Variants in LNX1 observed in about 807,000 individuals in gnomAD.
LNX1 encodes the protein E3 ubiquitin-protein ligase LNX.
Under a neutral mutation model 68.4 loss-of-function variants are expected in LNX1, and 54 were observed. The ratio of observed to expected loss-of-function variants is 0.79; its 90% CI spans 0.63 to 0.99. The LOEUF (loss-of-function observed/expected upper bound fraction) is 0.99, where lower values mean the gene tolerates loss of function less well. Ranked by LOEUF, LNX1 falls within the 50% of genes least tolerant of loss-of-function variation. The pLI, the probability that LNX1 is intolerant of heterozygous loss-of-function variation, is 0.00. For synonymous variants in LNX1, 336 were observed against 350.0 expected, an observed-to-expected ratio of 0.96 and a Z score of 0.45; for missense variants, 906 against 926.4, an observed-to-expected ratio of 0.98 and a Z score of 0.29.
chr4:53,647,272 G>A (rs533750286), intron 1 of LNX1, among the ~76,000 whole-genome samples: 1 of 152,202 alleles, frequency 6.6e-6, no homozygotes, highest in African/African-American at 2.4e-5. Context: ...TTTTAGTAAT[G>A]TGCATACACA....
chr4:53,526,795 A>T (rs1230341337), intron 2 of LNX1, among the ~76,000 whole-genome samples: 1 of 151,908 alleles, frequency 6.6e-6, no homozygotes, highest in African/African-American at 2.4e-5. Flanking sequence ...ATCAGTTGTG[A>T]ATTCCTTCGA....
intron 2 of LNX1, among the ~76,000 whole-genome samples, chr4:53,570,627 C>A (rs1200273926): frequency 6.7e-6 from 1 of 149,120 alleles, no homozygotes; most frequent in Admixed American, 6.7e-5. Context: ...AACTAACCTG[C>A]GTAATGTGCA....
chr4:53,502,659 T>A (rs1049991295), intron 4 of LNX1, among the ~76,000 whole-genome samples: 4 of 152,242 alleles, frequency 2.6e-5, no homozygotes, highest in African/African-American at 9.6e-5. Flanking sequence ...GAAAGATTTT[T>A]ATGCAGATTC....
chr4:53,470,274 T>C (rs1415769702), intron 9 of LNX1, among the ~76,000 whole-genome samples: 7 of 152,232 alleles, frequency 4.6e-5, no homozygotes, highest in African/African-American at 1.4e-4. Flanking sequence ...AGAAAAGCCT[T>C]TGACAAAATT....
intron 9 of LNX1, among the ~76,000 whole-genome samples, chr4:53,462,411 CA>C (rs1302650699): frequency 3.9e-5 from 6 of 152,046 alleles, no homozygotes; most frequent in Admixed American, 2.0e-4. Context: ...AATTTTACTC[CA>C]GGATGACGTT....
At chr4:53,468,982 A>G (rs1722929025) in intron 9 of LNX1, among the ~76,000 whole-genome samples, 1 of 152,220 alleles carries the variant, frequency 6.6e-6, no homozygotes, top group Non-Finnish European at 1.5e-5. Context: ...GCTCTGCACC[A>G]AGCAGACCTA....
chr4:53,467,711 C>A (rs567044864), intron 9 of LNX1, among the ~76,000 whole-genome samples: 20 of 152,126 alleles, frequency 1.3e-4, no homozygotes, highest in African/African-American at 4.8e-4. Flanking sequence ...CCTCAGTAGC[C>A]GATGCGATCA....
chr4:53,475,009 C>T (rs1723473119), intron 9 of LNX1, among the ~76,000 whole-genome samples: 1 of 152,174 alleles, frequency 6.6e-6, no homozygotes, highest in South Asian at 2.1e-4. Context: ...CTCAAGTGAT[C>T]CACTCACCTT....
At chr4:53,597,445 A>T (rs113421075) in intron 2 of LNX1, among the ~76,000 whole-genome samples, 123 of 152,020 alleles carry the variant, frequency 8.1e-4, no homozygotes, top group Non-Finnish European at 9.7e-4. Flanking sequence ...AGAGGGGTGC[A>T]CTCCCCTCAC....
intron 5 of LNX1, 121 bp from the exon 6 acceptor site, chr4:53,496,515 TC>T: frequency 8.0e-7 from 1 of 1,248,798 alleles, no homozygotes; most frequent in Non-Finnish European, 1.1e-6. Flanking sequence ...TCCCACCTCA[TC>T]CTGTGTCCAA....
intron 2 of LNX1, chr4:53,508,431 A>AT (rs3842589): frequency 0.74 from 448,772 of 609,010 alleles, 171,908 homozygotes; most frequent in Admixed American, 0.81. Context: ...ATAATTTGAG[A>AT]TTTTTTAAAG....
At chr4:53,570,652 C>T (rs373938655) in intron 2 of LNX1, among the ~76,000 whole-genome samples, 2 of 133,026 alleles carry the variant, frequency 1.5e-5, no homozygotes, top group Non-Finnish European at 3.2e-5. Context: ...TACCCTAAAA[C>T]TTAAAGTATA....
chr4:53,570,076 C>T (rs865938912), intron 2 of LNX1, among the ~76,000 whole-genome samples: 138 of 151,470 alleles, frequency 9.1e-4, no homozygotes, highest in Admixed American at 2.1e-3. Context: ...GGACTGTAAA[C>T]TAGTTCAACC....
intron 2 of LNX1, among the ~76,000 whole-genome samples, chr4:53,541,795 A>C (rs1181198071): frequency 6.6e-6 from 1 of 152,250 alleles, no homozygotes; most frequent in Non-Finnish European, 1.5e-5. Flanking sequence ...TTACAAGTAA[A>C]AGAGGCAAAC....
intron 1 of LNX1, among the ~76,000 whole-genome samples, chr4:53,630,038 C>T (rs1263364707): frequency 1.3e-5 from 2 of 151,810 alleles, no homozygotes; most frequent in Non-Finnish European, 2.9e-5. Context: ...GACACTTAAT[C>T]ATGTTGAAAA....
chr4:53,510,023 T>G (rs1386138928), intron 2 of LNX1, among the ~76,000 whole-genome samples: 1 of 152,238 alleles, frequency 6.6e-6, no homozygotes, highest in Non-Finnish European at 1.5e-5. Context: ...TATTCATTGT[T>G]AGAAGCAGAA....
intron 7 of LNX1, among the ~76,000 whole-genome samples, chr4:53,479,320 G>A (rs1456141900): frequency 1.3e-5 from 2 of 152,156 alleles, no homozygotes; most frequent in African/African-American, 4.8e-5. Flanking sequence ...ACTTTTCTAT[G>A]TTAAAAAAAA....
chr4:53,473,640 C>CA (rs764610439), intron 9 of LNX1, among the ~76,000 whole-genome samples: 5 of 151,958 alleles, frequency 3.3e-5, no homozygotes, highest in Non-Finnish European at 5.9e-5. Flanking sequence ...CAACAGACAC[C>CA]AGGGCCTACT....
chr4:53,481,830 C>G lies in LNX1; in HGVS notation c.1375G>C (p.Val459Leu). The G allele has an allele frequency of 6.2e-7, 1 of 1,609,958 alleles. No individual in the cohort carries two copies. The highest frequency in any genetic ancestry group is 8.5e-7 in the Non-Finnish European group (1 of 1,177,610). The change falls in exon 7 of 11, where the codon GTC (valine) becomes CTC (leucine). Residue 459 changes from valine (V) to leucine (L), a missense_variant. Physicochemically the swap from Val to Leu is conservative, Grantham distance 32 (BLOSUM62 1). Coordinates refer to ENST00000263925, the MANE Select transcript of LNX1 (RefSeq NM_001126328.3). ...CGCTGCCGAACCTGGCGGGACACGA[C>G]GAGGTGAACACGTCTTTCACTGGCC... ...IQASERRVHLVVSRQVRQRSP... is the reference protein window; with the variant it reads ...IQASERRVHLLVSRQVRQRSP...
Sources: gnomAD v4.1 joint callset for allele counts (sites outside exome capture counted in the v4.1 genomes callset) on GRCh38, gnomAD v4.1.1 for gene constraint, MANE v1.5 for transcripts, NCBI Gene and HGNC (gene_info 2026-07-23, HGNC 2026-07-21) for gene names.